Variants in BMP3 observed in about 807,000 individuals in gnomAD.
BMP3 encodes the protein bone morphogenetic protein 3 (osteogenic).
BMP3 carries 23 observed loss-of-function variants against 38.1 expected under a neutral mutation model. That is an observed-to-expected ratio of 0.60 (90% CI 0.43 to 0.86). The LOEUF (loss-of-function observed/expected upper bound fraction) is 0.86, where lower values mean the gene tolerates loss of function less well. Among genes scored for constraint, BMP3 ranks in the 40% least tolerant of loss-of-function variants. The probability of loss-of-function intolerance (pLI) is 0.00; values close to 1 mark genes in which losing one functional copy is unlikely to be tolerated. For missense variants in BMP3, 628 were observed against 579.6 expected (o/e 1.08, Z -0.86); for synonymous variants, 258 against 225.7 (o/e 1.14, Z -1.28).
chr4:81,041,851 T>C (rs1439620632), intron 1 of BMP3, among the ~76,000 whole-genome samples: 1 of 152,206 alleles, frequency 6.6e-6, no homozygotes, highest in Non-Finnish European at 1.5e-5. Flanking sequence ...CCTGTGTGTT[T>C]CTTTGCCTCT....
At chr4:81,045,688 A>AGTAATGGTCTT in intron 1 of BMP3, 50 bp from the exon 2 acceptor site, 1 of 1,392,020 alleles carries the variant, frequency 7.2e-7, no homozygotes, top group Non-Finnish European at 9.8e-7. Flanking sequence ...CATATAGTGA[A>AGTAATGGTCTT]GTAATGGTCT....
At chr4:81,048,479 G>A (rs963593823) in intron 2 of BMP3, among the ~76,000 whole-genome samples, 1 of 152,192 alleles carries the variant, frequency 6.6e-6, no homozygotes, top group African/African-American at 2.4e-5. Flanking sequence ...GACTCAGGAA[G>A]CCATGATAAT....
chr4:81,044,849 A>T (rs1201355452), intron 1 of BMP3, among the ~76,000 whole-genome samples: 2 of 152,190 alleles, frequency 1.3e-5, no homozygotes, highest in African/African-American at 4.8e-5. Flanking sequence ...TGGGTATACC[A>T]CAATTTCTTT....
At chr4:81,039,996 A>G (rs1740027129) in intron 1 of BMP3, among the ~76,000 whole-genome samples, 1 of 152,132 alleles carries the variant, frequency 6.6e-6, no homozygotes. Flanking sequence ...TATCAAGGAG[A>G]AAAATCGTGG....
At chr4:81,050,158 C>G (rs553528982) in intron 2 of BMP3, among the ~76,000 whole-genome samples, 3 of 152,286 alleles carry the variant, frequency 2.0e-5, no homozygotes, top group South Asian at 4.1e-4. Flanking sequence ...ACTCCATGGC[C>G]CAGGTCAGGA....
At chr4:81,034,534 C>T (rs547928197) in intron 1 of BMP3, among the ~76,000 whole-genome samples, 1 of 152,140 alleles carries the variant, frequency 6.6e-6, no homozygotes, top group Non-Finnish European at 1.5e-5. Context: ...GTCACTTAAT[C>T]TTCCTTTTCT....
At chr4:81,044,611 A>G (rs1740180914) in intron 1 of BMP3, among the ~76,000 whole-genome samples, 1 of 152,230 alleles carries the variant, frequency 6.6e-6, no homozygotes, top group African/African-American at 2.4e-5. Context: ...CCCTGTAACC[A>G]TTAAGGAGTT....
At position 81,031,282 on chromosome 4, in the gene BMP3, G is replaced by T. The variant is rs781156817; in HGVS notation, c.-3G>T. 6.3e-7 allele frequency: 1 copy of T among 1,595,296 alleles called. No individual in the cohort carries two copies. Among genetic ancestry groups the T allele is most frequent in the Admixed American group, 1.7e-5 (1 of 58,644 alleles). On this transcript the variant is annotated 5_prime_UTR_variant, in exon 1 of 3. Transcript: ENST00000282701. Reference sequence around the variant, plus strand: ...AGCCGACGCGCCGCGCGGGTACCTAGCCATGGCTGGGGCGAGCAGGCTGCT... The same window carrying T: ...AGCCGACGCGCCGCGCGGGTACCTATCCATGGCTGGGGCGAGCAGGCTGCT...
At chr4:81,031,678 T>C in intron 1 of BMP3, 78 bp downstream of exon 1, 1 of 1,441,996 alleles carries the variant, frequency 6.9e-7, no homozygotes, top group South Asian at 1.4e-5. Context: ...CTTCCTTGTC[T>C]GCCCCTTGCT....
chr4:81,045,289 C>T (rs1466740558), intron 1 of BMP3, among the ~76,000 whole-genome samples: 1 of 151,820 alleles, frequency 6.6e-6, no homozygotes, highest in Non-Finnish European at 1.5e-5. Flanking sequence ...GGCATTTTCC[C>T]ATTTTTATTT....
At chr4:81,032,587 G>A (rs1560509441) in intron 1 of BMP3, among the ~76,000 whole-genome samples, 1 of 152,224 alleles carries the variant, frequency 6.6e-6, no homozygotes, top group East Asian at 1.9e-4. Flanking sequence ...TAACTGCAAA[G>A]CCTGTCTTCA....
rs1173244290 is a variant in BMP3 at position 81,031,258 on chromosome 4, G to A, written c.-27G>A. ...GGAGTGTCCCGCAGCGACGCCGGGA[G>A]CCGACGCGCCGCGCGGGTACCTAGC... On this transcript the variant is annotated 5_prime_UTR_variant, in exon 1 of 3. Coordinates refer to ENST00000282701, the MANE Select transcript of BMP3 (RefSeq NM_001201.5). 1 of 1,554,796 alleles carries A rather than the reference G, an allele frequency of 6.4e-7. No homozygotes were observed. Among genetic ancestry groups the A allele is most frequent in the East Asian group, 2.3e-5 (1 of 42,858 alleles).
intron 1 of BMP3, among the ~76,000 whole-genome samples, chr4:81,044,443 C>CA (rs1371495391): frequency 6.6e-6 from 1 of 152,176 alleles, no homozygotes; most frequent in Non-Finnish European, 1.5e-5. Flanking sequence ...CAAGAGACTG[C>CA]ATAATTGTTT....
intron 2 of BMP3, among the ~76,000 whole-genome samples, chr4:81,051,170 A>C (rs937233466): frequency 2.0e-5 from 3 of 152,178 alleles, no homozygotes; most frequent in Admixed American, 6.6e-5. Context: ...TTGTTACTTG[A>C]AGCTGTAAAA....
chr4:81,041,393 T>C (rs1740071408), intron 1 of BMP3, among the ~76,000 whole-genome samples: 1 of 152,232 alleles, frequency 6.6e-6, no homozygotes, highest in Non-Finnish European at 1.5e-5. Flanking sequence ...AAGTATGGGT[T>C]AGAAAAGTCA....
Position 81,031,177 on chromosome 4 carries a change from G to C in BMP3, c.-108G>C. The stretch of plus-strand genomic sequence containing the variant: ...CGCGTCCCGGGCTCCGTGCGCCCTC[G>C]CCCCAGCTGGTTTGGAGTTCAACCC... On this transcript the variant is annotated 5_prime_UTR_variant, in exon 1 of 3. Transcript: ENST00000282701. The C allele has an allele frequency of 8.1e-7, 1 of 1,236,508 alleles. No homozygotes were observed. The highest frequency in any genetic ancestry group is 1.1e-6 in the Non-Finnish European group (1 of 916,062). The allele number at this position is 1,236,508 out of a possible 1,614,324, so 76.6% of individuals were successfully genotyped here.
At chr4:81,047,852 A>G (rs567978940) in intron 2 of BMP3, among the ~76,000 whole-genome samples, 1 of 150,680 alleles carries the variant, frequency 6.6e-6, no homozygotes, top group East Asian at 2.0e-4. Flanking sequence ...AGGCAGGAGG[A>G]TCACTTGAGT....
intron 2 of BMP3, among the ~76,000 whole-genome samples, chr4:81,052,866 A>G (rs922791678): frequency 1.3e-5 from 2 of 152,176 alleles, no homozygotes; most frequent in Admixed American, 1.3e-4. Context: ...TCTGTTAAAT[A>G]GAGTGCTTGT....
intron 1 of BMP3, among the ~76,000 whole-genome samples, chr4:81,036,763 A>G (rs1210190888): frequency 6.6e-6 from 1 of 152,076 alleles, no homozygotes; most frequent in African/African-American, 2.4e-5. Context: ...AAAAGCTTTC[A>G]TATATGGAAT....
Sources: gnomAD v4.1 joint callset for allele counts (sites outside exome capture counted in the v4.1 genomes callset) on GRCh38, gnomAD v4.1.1 for gene constraint, MANE v1.5 for transcripts, NCBI Gene and HGNC (gene_info 2026-07-23, HGNC 2026-07-21) for gene names.